The following PC variants were observed in gnomAD, a reference collection of about 807,000 sequenced individuals.
PC encodes pyruvate carboxylase, also known as pyruvate carboxylase, mitochondrial.
PC carries 46 observed loss-of-function variants against 107.8 expected under a neutral mutation model. The observed-to-expected ratio is 0.43, with a 90% CI of 0.34 to 0.55. The LOEUF is 0.55. Ranked by LOEUF, PC falls within the 20% of genes least tolerant of loss-of-function variation. PC has a pLI of 0.04. For missense variants in PC, 1,241 were observed against 1,643.1 expected (o/e 0.76, Z 4.23); for synonymous variants, 662 against 684.7 (o/e 0.97, Z 0.52).
At chr11:66,883,655 T>A (rs748264607) in intron 3 of PC, among the ~76,000 whole-genome samples, 5 of 152,172 alleles carry the variant, frequency 3.3e-5, no homozygotes, top group Admixed American at 6.5e-5. Flanking sequence ...GGGCACAGGA[T>A]CCCTGGTCTC....
chr11:66,908,733 A>G (rs1948243359), intron 3 of PC, among the ~76,000 whole-genome samples: 1 of 152,170 alleles, frequency 6.6e-6, no homozygotes, highest in Admixed American at 6.5e-5. Context: ...GCATCTGAAG[A>G]GAGCGGGTAG....
Position 66,851,932 on chromosome 11 carries a change from C to T in PC, c.1840G>A (p.Val614Ile), listed in dbSNP as rs753874028. The T allele has an allele frequency of 5.5e-5, 89 of 1,613,892 alleles. No homozygotes were observed. Among genetic ancestry groups the T allele is most frequent in the Non-Finnish European group, 6.9e-5 (81 of 1,180,026 alleles). The change falls in exon 16 of 23, where the codon GTC becomes ATC. Residue 614 changes from valine (V) to isoleucine (I), a missense_variant. Val to Ile is a conservative substitution (Grantham distance 29). Coordinates refer to ENST00000393960, the MANE Select transcript of PC (RefSeq NM_001040716.2). ...MENWGGATFD[V>I]AMRFLYECPW... Reference sequence around the variant, plus strand: ...CACTCATACAGGAAGCGCATGGCGACGTCAAACGTGGCTCCTGCACAGGAA... The same window carrying T: ...CACTCATACAGGAAGCGCATGGCGATGTCAAACGTGGCTCCTGCACAGGAA...
chr11:66,937,867 C>T (rs1259930589), intron 3 of PC, among the ~76,000 whole-genome samples: 1 of 151,602 alleles, frequency 6.6e-6, no homozygotes, highest in Non-Finnish European at 1.5e-5. Context: ...ATCTCCACCT[C>T]CCAGGTTCAA....
intron 13 of PC, 86 bp downstream of exon 13, chr11:66,853,153 G>T: frequency 6.6e-7 from 1 of 1,504,328 alleles, no homozygotes; most frequent in Non-Finnish European, 9.1e-7. Flanking sequence ...GAGTTCTTTG[G>T]TCATGGGGAG....
chr11:66,853,163 G>A (rs996346588), intron 13 of PC, 76 bp downstream of exon 13: 2 of 1,546,896 alleles, frequency 1.3e-6, no homozygotes, highest in Non-Finnish European at 1.8e-6. Context: ...GTCATGGGGA[G>A]TGGCAAGGAG....
At chr11:66,854,213 T>C (rs1473424405) in intron 12 of PC, among the ~76,000 whole-genome samples, 1 of 152,208 alleles carries the variant, frequency 6.6e-6, no homozygotes, top group Non-Finnish European at 1.5e-5. Context: ...CTCCACCGCC[T>C]TCCTCATTGT....
intron 3 of PC, among the ~76,000 whole-genome samples, chr11:66,950,989 C>T (rs139494338): frequency 2.6e-5 from 4 of 152,126 alleles, no homozygotes; most frequent in Admixed American, 6.5e-5. Flanking sequence ...TTCCACGTTA[C>T]GGCCATTCCC....
At chr11:66,949,000 T>C (rs939860028) in intron 3 of PC, among the ~76,000 whole-genome samples, 37 of 151,642 alleles carry the variant, frequency 2.4e-4, no homozygotes, top group Non-Finnish European at 4.9e-4. Context: ...TTATTATTAT[T>C]ATTATTTTTT....
At chr11:66,868,095 T>A (rs1946571319) in intron 10 of PC, among the ~76,000 whole-genome samples, 1 of 152,278 alleles carries the variant, frequency 6.6e-6, no homozygotes. Context: ...AGCACGCTAG[T>A]GCCACCTCTC....
At chr11:66,945,365 A>C (rs1253192806) in intron 3 of PC, among the ~76,000 whole-genome samples, 1 of 104,510 alleles carries the variant, frequency 9.6e-6, no homozygotes, top group Non-Finnish European at 2.1e-5. Context: ...TTTTGTGGCC[A>C]TACTGCATAA....
intron 12 of PC, among the ~76,000 whole-genome samples, chr11:66,854,901 A>AGGC (rs1284513511): frequency 2.6e-4 from 40 of 152,214 alleles, no homozygotes; most frequent in Admixed American, 1.3e-4. Context: ...CAGCTGGGCC[A>AGGC]AGGCATGGCA....
chr11:66,895,905 G>A (rs1565269563), intron 3 of PC, among the ~76,000 whole-genome samples: 2 of 152,158 alleles, frequency 1.3e-5, no homozygotes, highest in African/African-American at 2.4e-5. Flanking sequence ...CTACACCAAG[G>A]CACTGTGTCC....
At chr11:66,879,210 G>A (rs745448910) in intron 3 of PC, among the ~76,000 whole-genome samples, 1 of 152,188 alleles carries the variant, frequency 6.6e-6, no homozygotes, top group Non-Finnish European at 1.5e-5. Flanking sequence ...GCCGTCCTGG[G>A]GTGAAGGCAG....
intron 3 of PC, among the ~76,000 whole-genome samples, chr11:66,905,413 C>G (rs571919408): frequency 6.6e-6 from 1 of 152,292 alleles, no homozygotes; most frequent in East Asian, 1.9e-4. Context: ...TGTTCAGGGT[C>G]AGGGGCCAGT....
chr11:66,956,678 C>T (rs1949568054), intron 1 of PC, among the ~76,000 whole-genome samples: 1 of 152,228 alleles, frequency 6.6e-6, no homozygotes, highest in South Asian at 2.1e-4. Flanking sequence ...TCCACTGCAG[C>T]GGCATCAAAA....
intron 3 of PC, among the ~76,000 whole-genome samples, chr11:66,921,562 G>A (rs1948597340): frequency 6.6e-6 from 1 of 152,106 alleles, no homozygotes; most frequent in Non-Finnish European, 1.5e-5. Context: ...GGCCCTCTGG[G>A]GGTGGTGGCT....
chr11:66,871,113 A>G lies in PC; in HGVS notation c.572T>C (p.Ile191Thr). 1 of 1,613,884 alleles carries G rather than the reference A, an allele frequency of 6.2e-7. No individual in the cohort carries two copies. The change falls in exon 7 of 23, where the codon ATC becomes ACC. Residue 191 changes from isoleucine to threonine, a missense_variant. Ile to Thr is a moderately conservative substitution (Grantham distance 89, BLOSUM62 -1). Transcript: ENST00000393960. This position sits in a 1 kb window ranked among gnomAD's most constrained non-coding sequence, Gnocchi z 7.4. ...ACCCCCATAGGCCGCCTTGAAGATG[A>G]TGGGGAAGCCGTAGGTGTTGGAGAA... The part of the protein sequence containing the change: ...HEFSNTYGFP[I>T]IFKAAYGGGG...
chr11:66,849,490 C>G (rs1376917504), intron 21 of PC, 120 bp from the exon 22 acceptor site: 1 of 1,603,792 alleles, frequency 6.2e-7, no homozygotes, highest in Non-Finnish European at 8.5e-7. Context: ...GGCCTAGCTC[C>G]CGGTCTCAAG....
At chr11:66,937,564 T>A (rs1011419491) in intron 3 of PC, among the ~76,000 whole-genome samples, 4 of 152,130 alleles carry the variant, frequency 2.6e-5, no homozygotes, top group African/African-American at 9.7e-5. Context: ...TCTGGGACTC[T>A]CATGATGCAT....
Sources: allele counts gnomAD v4.1 joint callset (sites outside exome capture counted in the v4.1 genomes callset), GRCh38; gene constraint gnomAD v4.1.1; non-coding constraint Gnocchi (gnomAD v3.1); transcripts MANE v1.5; gene names NCBI Gene and HGNC (gene_info 2026-07-23, HGNC 2026-07-21).